Variants in ADIPOR1 observed in about 807,000 individuals in gnomAD.
The protein encoded by ADIPOR1 is adiponectin receptor protein 1.
Under a neutral mutation model 37.5 loss-of-function variants are expected in ADIPOR1, and 15 were observed. That is an observed-to-expected ratio of 0.40 (90% CI 0.27 to 0.62). ADIPOR1 has a LOEUF of 0.62. Ranked by LOEUF, ADIPOR1 falls within the 20% of genes least tolerant of loss-of-function variation. The probability of loss-of-function intolerance (pLI) is 0.42; values close to 1 mark genes in which losing one functional copy is unlikely to be tolerated. For synonymous variants in ADIPOR1, 173 were observed against 173.2 expected, an observed-to-expected ratio of 1.00 and a Z score of 0.01; for missense variants, 286 against 478.0, an observed-to-expected ratio of 0.60 and a Z score of 3.75.
At chr1:202,947,447 G>C (rs953157695) in intron 3 of ADIPOR1, among the ~76,000 whole-genome samples, 6 of 152,120 alleles carry the variant, frequency 3.9e-5, no homozygotes, top group Admixed American at 1.3e-4. Context: ...GCTTGAACCT[G>C]GCAGGCAGAG....
At chr1:202,944,005 T>G (rs1002040474) in intron 5 of ADIPOR1, 60 bp from the exon 6 acceptor site, 1 of 1,459,630 alleles carries the variant, frequency 6.9e-7, no homozygotes, top group African/African-American at 1.4e-5. Context: ...TATGGCTCAT[T>G]TAACTAGCTC....
At chr1:202,954,489 AG>A (rs1315009847) in intron 1 of ADIPOR1, among the ~76,000 whole-genome samples, 3 of 152,242 alleles carry the variant, frequency 2.0e-5, no homozygotes, top group Non-Finnish European at 2.9e-5. Context: ...CTAAGGTGTT[AG>A]AACGATCCTA....
chr1:202,942,427 T>A (rs1320745089), intron 6 of ADIPOR1, among the ~76,000 whole-genome samples: 1 of 152,262 alleles, frequency 6.6e-6, no homozygotes, highest in Non-Finnish European at 1.5e-5. Context: ...AAGTGCTTAC[T>A]ACCTTTTAAG....
Position 202,950,929 on chromosome 1 carries a change from CT to C in ADIPOR1, c.141del (p.Ala48LeufsTer20). 6.2e-7 allele frequency: 1 copy of C among 1,614,158 alleles called. No homozygotes were observed. The highest frequency in any genetic ancestry group is 8.5e-7 in the Non-Finnish European group (1 of 1,180,028). ...GGATGACTCCTGGGAAGATGACTTA[CT>C]TTGGGTGGGTTGGCGATTACCCGTT... ...KGKRVIANPP[K>X]AEEEQTCPVP... On this transcript the variant is annotated frameshift_variant and splice_region_variant, in exon 2 of 8. Transcript: ENST00000340990. LOFTEE classifies it high-confidence loss of function.
intron 6 of ADIPOR1, among the ~76,000 whole-genome samples, chr1:202,942,866 TCTTTC>T (rs1323046498): frequency 1.8e-5 from 2 of 108,314 alleles, no homozygotes; most frequent in Non-Finnish European, 4.1e-5. Flanking sequence ...TTTCTTTCTT[TCTTTC>T]TTTTTTTTTT....
At position 202,951,155 on chromosome 1, in the gene ADIPOR1, A is replaced by G. The variant is rs1654566767; in HGVS notation, c.-85T>C. The stretch of plus-strand genomic sequence containing the variant: ...CCCAGGGGGCAGAGATCTCCCTCTG[A>G]TGGTAGACACTAAAAGAAAATACAA... On this transcript the variant is annotated 5_prime_UTR_variant, in exon 2 of 8. Transcript: ENST00000340990. The G allele has an allele frequency of 1.2e-5, 19 of 1,522,442 alleles. No individual in the cohort carries two copies. The South Asian group carries it at 2.0e-4, about 16-fold the overall frequency. 94.3% of individuals were successfully genotyped at this position (1,522,442 alleles called of 1,614,324 possible).
At chr1:202,942,622 G>C (rs987700638) in intron 6 of ADIPOR1, among the ~76,000 whole-genome samples, 1 of 152,144 alleles carries the variant, frequency 6.6e-6, no homozygotes, top group African/African-American at 2.4e-5. Flanking sequence ...TACATAACCA[G>C]AACTCTGACC....
intron 1 of ADIPOR1, among the ~76,000 whole-genome samples, chr1:202,956,428 T>C (rs925310960): frequency 2.6e-5 from 4 of 152,204 alleles, no homozygotes; most frequent in Admixed American, 2.0e-4. Context: ...GAATACCGAT[T>C]GATTACTTAC....
At chr1:202,944,063 CCTGTATT>C in intron 5 of ADIPOR1, 118 bp from the exon 6 acceptor site, 1 of 940,868 alleles carries the variant, frequency 1.1e-6, no homozygotes. Flanking sequence ...CTCAATCTAT[CCTGTATT>C]GTAGACTCCC....
At position 202,941,541 on chromosome 1, in the gene ADIPOR1, A is replaced by G; in HGVS notation, c.*32T>C. 6.3e-7 allele frequency: 1 copy of G among 1,583,980 alleles called. No homozygotes were observed. The highest frequency in any genetic ancestry group is 1.2e-5 in the South Asian group (1 of 86,212). Reference sequence around the variant, plus strand: ...GAAGTTATTTTTAAAAGCACTTGGGAAGTTCCTCCTCCACCCCGCAGGTGG... The same window carrying G: ...GAAGTTATTTTTAAAAGCACTTGGGGAGTTCCTCCTCCACCCCGCAGGTGG... On this transcript the variant is annotated 3_prime_UTR_variant, in exon 8 of 8. Coordinates refer to ENST00000340990, the MANE Select transcript of ADIPOR1 (RefSeq NM_015999.6).
intron 6 of ADIPOR1, among the ~76,000 whole-genome samples, chr1:202,943,191 G>A (rs1357927369): frequency 6.6e-6 from 1 of 152,112 alleles, no homozygotes; most frequent in African/African-American, 2.4e-5. Context: ...TTTAACTGAA[G>A]GTTAAAACAT....
intron 2 of ADIPOR1, among the ~76,000 whole-genome samples, chr1:202,948,781 A>T (rs1457994066): frequency 3.7e-5 from 5 of 136,514 alleles, no homozygotes; most frequent in Non-Finnish European, 7.8e-5. Context: ...CTAAGCCATT[A>T]CATTTTCTTT....
chr1:202,943,128 A>G lies in ADIPOR1; in HGVS notation c.805+630T>C, dbSNP rs531572242. On this transcript the variant is annotated intron_variant, in intron 6 of 7. Coordinates refer to ENST00000340990, the MANE Select transcript of ADIPOR1 (RefSeq NM_015999.6). ...AGTGATCCGCCTGCCTCGGCCCCCC[A>G]AAGTGCTGGGATTACAGGCGTGAGC... Among the ~76,000 whole-genome samples the G allele has an allele frequency of 2.6e-5, 4 of 152,234 alleles. 1 individual carries two copies. The highest frequency in any genetic ancestry group is 9.6e-5 in the African/African-American group (4 of 41,542).
At chr1:202,949,348 A>G (rs1244371562) in intron 2 of ADIPOR1, among the ~76,000 whole-genome samples, 1 of 151,366 alleles carries the variant, frequency 6.6e-6, no homozygotes, top group African/African-American at 2.4e-5. Context: ...TGGGAGGCCG[A>G]GGCGGGCGGA....
In ADIPOR1 at chr1:202,951,045, A is replaced by T. The variant is rs759643470; in HGVS notation, c.26T>A (p.Val9Glu). The T allele has an allele frequency of 6.2e-7, 1 of 1,614,088 alleles. No individual in the cohort carries two copies. Among genetic ancestry groups the T allele is most frequent in the East Asian group, 2.2e-5 (1 of 44,876 alleles). The part of the protein sequence containing the change: MSSHKGSV[V>E]AQGNGAPASN... ...GGCAGGAGCCCCATTCCCCTGTGCC[A>T]CCACAGATCCTTTGTGGGAAGACAT... The change falls in exon 2 of 8, where the codon GTG (valine) becomes GAG (glutamate). Residue 9 changes from valine (V) to glutamate (E), a missense_variant. Transcript: ENST00000340990.
chr1:202,955,088 G>A (rs1363690819), intron 1 of ADIPOR1, among the ~76,000 whole-genome samples: 1 of 152,204 alleles, frequency 6.6e-6, no homozygotes, highest in African/African-American at 2.4e-5. Flanking sequence ...GGAGAAATAT[G>A]AATCAAAGCA....
At chr1:202,953,124 G>A (rs556228363) in intron 1 of ADIPOR1, among the ~76,000 whole-genome samples, 5 of 152,210 alleles carry the variant, frequency 3.3e-5, no homozygotes, top group Admixed American at 1.3e-4. Context: ...TGGGCAACCC[G>A]TGTGAGAGGG....
At chr1:202,955,212 C>T (rs1020779237) in intron 1 of ADIPOR1, among the ~76,000 whole-genome samples, 17 of 150,788 alleles carry the variant, frequency 1.1e-4, no homozygotes, top group Admixed American at 5.9e-4. Flanking sequence ...CTTTGTAGCT[C>T]TTCCCCAACA....
intron 1 of ADIPOR1, among the ~76,000 whole-genome samples, chr1:202,951,939 T>A (rs1654591902): frequency 6.6e-6 from 1 of 152,122 alleles, no homozygotes; most frequent in African/African-American, 2.4e-5. Context: ...CCACAACCCA[T>A]AATCTAAGCC....
Sources: allele counts gnomAD v4.1 joint callset (sites outside exome capture counted in the v4.1 genomes callset), GRCh38; gene constraint gnomAD v4.1.1; transcripts MANE v1.5; gene names NCBI Gene and HGNC (gene_info 2026-07-23, HGNC 2026-07-21).